The following RBFOX1 variants were observed in gnomAD, a reference collection of about 807,000 sequenced individuals.
RBFOX1 encodes RNA binding protein fox-1 homolog 1.
Under a neutral mutation model 57.7 loss-of-function variants are expected in RBFOX1, and 8 were observed. That is an observed-to-expected ratio of 0.14 (90% CI 0.08 to 0.25). The LOEUF (loss-of-function observed/expected upper bound fraction) is 0.25, where lower values mean the gene tolerates loss of function less well. Among genes scored for constraint, RBFOX1 ranks in the 10% least tolerant of loss-of-function variants. RBFOX1 has a pLI of 1.00. For synonymous variants in RBFOX1, 326 were observed against 222.4 expected (o/e 1.47, Z -4.15); for missense variants, 611 against 548.5 (o/e 1.11, Z -1.14).
chr16:5,524,617 T>C (rs555238060), intron 2 of RBFOX1, among the ~76,000 whole-genome samples: 1 of 151,662 alleles, frequency 6.6e-6, no homozygotes, highest in East Asian at 2.0e-4. Flanking sequence ...CTTGGCTCAC[T>C]GCAACCTCTG....
chr16:6,929,690 T>G (rs1412103430), intron 3 of RBFOX1, among the ~76,000 whole-genome samples: 2 of 150,492 alleles, frequency 1.3e-5, no homozygotes. Flanking sequence ...TGTTAGAGAA[T>G]GTGTTACTAC....
At chr16:7,276,881 CTGAG>C (rs1193553281) in intron 4 of RBFOX1, among the ~76,000 whole-genome samples, 2 of 152,194 alleles carry the variant, frequency 1.3e-5, no homozygotes, top group Non-Finnish European at 2.9e-5. Flanking sequence ...TGTAAATTAT[CTGAG>C]TGGAATCTCA....
At chr16:7,304,658 C>T (rs936463832) in intron 4 of RBFOX1, among the ~76,000 whole-genome samples, 4 of 152,112 alleles carry the variant, frequency 2.6e-5, no homozygotes, top group African/African-American at 9.7e-5. Context: ...CCGGGCACCT[C>T]GCGCTGAGAT....
intron 3 of RBFOX1, among the ~76,000 whole-genome samples, chr16:6,814,217 C>T (rs113287800): frequency 5.0e-5 from 7 of 138,622 alleles, no homozygotes; most frequent in Non-Finnish European, 1.1e-4. Context: ...CTGTTTTCTT[C>T]TTTCATGTAA....
intron 3 of RBFOX1, among the ~76,000 whole-genome samples, chr16:5,623,007 A>G (rs1346667734): frequency 6.6e-6 from 1 of 152,188 alleles, no homozygotes; most frequent in Non-Finnish European, 1.5e-5. Flanking sequence ...TTATATGCAA[A>G]TACTATGCCG....
At chr16:6,412,045 T>G (rs568371534) in intron 2 of RBFOX1, among the ~76,000 whole-genome samples, 5 of 151,260 alleles carry the variant, frequency 3.3e-5, no homozygotes, top group African/African-American at 1.2e-4. Context: ...GGCAGGAAAA[T>G]TGCTTGAAAC....
At chr16:7,693,415 C>CATT in intron 14 of RBFOX1, 1 of 973,510 alleles carries the variant, frequency 1.0e-6, no homozygotes, top group Non-Finnish European at 1.4e-6. Context: ...GTCTCAGTAT[C>CATT]CTTTTTTTTT....
chr16:6,076,798 G>C (rs1246519198), intron 1 of RBFOX1, among the ~76,000 whole-genome samples: 1 of 152,086 alleles, frequency 6.6e-6, no homozygotes, highest in Non-Finnish European at 1.5e-5. Flanking sequence ...TCATCTAAAG[G>C]GTTCTTGGTA....
At chr16:5,517,849 C>T (rs2043849934) in intron 2 of RBFOX1, among the ~76,000 whole-genome samples, 1 of 150,602 alleles carries the variant, frequency 6.6e-6, no homozygotes, top group Admixed American at 6.6e-5. Flanking sequence ...TATATGTATA[C>T]ACACACACAC....
chr16:6,339,971 C>T (rs1248546764), intron 2 of RBFOX1, among the ~76,000 whole-genome samples: 1 of 152,114 alleles, frequency 6.6e-6, no homozygotes, highest in African/African-American at 2.4e-5. Context: ...GCCACCGTGC[C>T]CAGCCCATCT....
intron 2 of RBFOX1, among the ~76,000 whole-genome samples, chr16:6,415,512 C>G (rs1254640869): frequency 6.6e-6 from 1 of 151,682 alleles, no homozygotes; most frequent in Non-Finnish European, 1.5e-5. Flanking sequence ...ACCAGCCTGG[C>G]CAATATGATG....
At chr16:7,024,637 A>C (rs2040333799) in intron 3 of RBFOX1, among the ~76,000 whole-genome samples, 1 of 152,140 alleles carries the variant, frequency 6.6e-6, no homozygotes. Flanking sequence ...TCTTTGTTTG[A>C]TGCTTAGGGA....
At chr16:6,255,294 T>G (rs906632010) in intron 1 of RBFOX1, among the ~76,000 whole-genome samples, 5 of 152,224 alleles carry the variant, frequency 3.3e-5, no homozygotes, top group African/African-American at 1.2e-4. Flanking sequence ...CTGTGGGTAG[T>G]TGAGATGCAG....
chr16:6,818,859 T>C (rs9928989), intron 3 of RBFOX1, among the ~76,000 whole-genome samples: 82,405 of 152,026 alleles, frequency 0.54, 22,561 homozygotes, highest in East Asian at 0.75. Context: ...CCAATGAGAT[T>C]AAATCTCAGG....
intron 2 of RBFOX1, among the ~76,000 whole-genome samples, chr16:6,544,100 G>C (rs915241981): frequency 2.6e-5 from 4 of 152,190 alleles, no homozygotes; most frequent in Non-Finnish European, 5.9e-5. Context: ...TTTGAGATGG[G>C]AGAGTATCTT....
chr16:7,116,570 A>C (rs2065948080), intron 4 of RBFOX1, among the ~76,000 whole-genome samples: 1 of 152,200 alleles, frequency 6.6e-6, no homozygotes, highest in Non-Finnish European at 1.5e-5. Context: ...GAGTCCATTA[A>C]AGCTTAAACT....
intron 3 of RBFOX1, among the ~76,000 whole-genome samples, chr16:5,865,656 G>A (rs1167393749): frequency 6.6e-6 from 1 of 152,194 alleles, no homozygotes; most frequent in Admixed American, 6.5e-5. Flanking sequence ...GAAGTCATTC[G>A]TTCTTAAGTC....
In RBFOX1 at chr16:6,562,600, CA is replaced by C. The variant is rs1164912173; in HGVS notation, c.-63-92001del. Among the ~76,000 whole-genome samples, 4 of 152,292 alleles carry C rather than the reference CA, an allele frequency of 2.6e-5. No homozygotes were observed. The South Asian group carries it at 8.3e-4, about 32-fold the overall frequency. ...CACTAATAGGTTATAAGTGGTTGTG[CA>C]AGTTTCTAAACATCTTGCATGTACT... On this transcript the variant is annotated intron_variant, in intron 2 of 15. Transcript: ENST00000550418.
At chr16:5,310,554 G>A (rs1210614446) in intron 1 of RBFOX1, among the ~76,000 whole-genome samples, 1 of 152,180 alleles carries the variant, frequency 6.6e-6, no homozygotes, top group Non-Finnish European at 1.5e-5. Flanking sequence ...AATTGTACCT[G>A]TCCAGGTCAT....
Sources: gnomAD v4.1 joint callset for allele counts (sites outside exome capture counted in the v4.1 genomes callset) on GRCh38, gnomAD v4.1.1 for gene constraint, MANE v1.5 for transcripts, NCBI Gene and HGNC (gene_info 2026-07-23, HGNC 2026-07-21) for gene names.